CX3CL1: variants seen among roughly 807,000 people sequenced by gnomAD.
The protein encoded by CX3CL1 is fractalkine.
Under a neutral mutation model 14.1 loss-of-function variants are expected in CX3CL1, and 1 was observed. That is an observed-to-expected ratio of 0.07 (90% confidence interval 0.03 to 0.34). The LOEUF (loss-of-function observed/expected upper bound fraction) is 0.34. CX3CL1 is among the 10% of genes least tolerant of loss of function. The pLI is 0.99. For missense variants in CX3CL1, 505 were observed against 536.4 expected (o/e 0.94, Z 0.58); for synonymous variants, 255 against 229.6 (o/e 1.11, Z -1.00).
intron 1 of CX3CL1, chr16:57,378,782 C>T: frequency 6.6e-6 from 1 of 152,086 alleles, no homozygotes; most frequent in Non-Finnish European, 1.5e-5. Flanking sequence ...TTCTTGAGCC[C>T]AGGATTTTGA....
At chr16:57,380,691 A>T (rs2146513588) in intron 2 of CX3CL1, among the ~76,000 whole-genome samples, 1 of 152,264 alleles carries the variant, frequency 6.6e-6, no homozygotes, top group East Asian at 1.9e-4. Context: ...GGATTGAGCC[A>T]TTGTAACCCT....
intron 2 of CX3CL1, among the ~76,000 whole-genome samples, chr16:57,380,392 T>A (rs1902303003): frequency 1.3e-5 from 2 of 152,066 alleles, no homozygotes; most frequent in African/African-American, 4.8e-5. Flanking sequence ...ACCCCATCTC[T>A]ACTAAAAATA....
Position 57,380,793 on chromosome 16 carries a change from C to T in CX3CL1, c.191+1039C>T, listed in dbSNP as rs549173950. Among the ~76,000 whole-genome samples, 293 of 152,248 alleles carry T rather than the reference C, an allele frequency of 1.9e-3. 1 individual carries two copies. The highest frequency in any genetic ancestry group is 6.9e-3 in the African/African-American group (286 of 41,546). On this transcript the variant is annotated intron_variant, in intron 2 of 2. Coordinates refer to ENST00000006053, the MANE Select transcript of CX3CL1 (RefSeq NM_002996.6). ...ACCAGCCAGCCCTGAGGCCTTTCCCCAGGACTGACTTTTGGGACCTAAAGC... is the reference window on the plus strand; with the variant it reads ...ACCAGCCAGCCCTGAGGCCTTTCCCTAGGACTGACTTTTGGGACCTAAAGC...
intron 2 of CX3CL1, among the ~76,000 whole-genome samples, chr16:57,381,444 C>G (rs1181774252): frequency 1.2e-4 from 18 of 152,070 alleles, no homozygotes; most frequent in Admixed American, 1.2e-3. Flanking sequence ...GCCCGGAGCA[C>G]AGCCTGTAGC....
chr16:57,380,985 G>A (rs1902311929), intron 2 of CX3CL1, among the ~76,000 whole-genome samples: 1 of 152,156 alleles, frequency 6.6e-6, no homozygotes, highest in South Asian at 2.1e-4. Context: ...GATCAGTCAA[G>A]GCTTACTTCT....
chr16:57,374,376 AC>A (rs1220236533), intron 1 of CX3CL1, among the ~76,000 whole-genome samples: 8 of 151,978 alleles, frequency 5.3e-5, no homozygotes, highest in Non-Finnish European at 1.0e-4. Flanking sequence ...ACCTGCAGCT[AC>A]GAGTCAGTGC....
chr16:57,378,406 G>A (rs1597997210), intron 1 of CX3CL1: 1 of 151,722 alleles, frequency 6.6e-6, no homozygotes, highest in Non-Finnish European at 1.5e-5. Flanking sequence ...AGCCAGGCAT[G>A]GTAGCAGGCA....
In CX3CL1 at chr16:57,382,569, G is replaced by A. The variant is rs772459306; in HGVS notation, c.731G>A (p.Gly244Asp). ...PAPEENAPSE[G>D]QRVWGQGQSP... ...CCAGAGGAGAATGCTCCGTCTGAAG[G>A]CCAGCGTGTGTGGGGTCAGGGACAG... Residue 244 changes from glycine (G) to aspartate (D), a missense_variant, in exon 3 of 3, where the codon GGC becomes GAC. Coordinates refer to ENST00000006053, the MANE Select transcript of CX3CL1 (RefSeq NM_002996.6). The surrounding 1 kb of genome is among the most constrained non-coding windows in gnomAD (Gnocchi z 6.9). 4 of 1,613,904 alleles carry A rather than the reference G, an allele frequency of 2.5e-6. No homozygotes were observed. Among genetic ancestry groups the A allele is most frequent in the Non-Finnish European group, 3.4e-6 (4 of 1,179,938 alleles).
intron 1 of CX3CL1, among the ~76,000 whole-genome samples, chr16:57,375,769 G>A (rs189821502): frequency 1.7e-4 from 26 of 152,302 alleles, no homozygotes; most frequent in Admixed American, 1.3e-4. Flanking sequence ...AAGTCCTTGA[G>A]GTCCAGCCTA....
At chr16:57,379,323 A>C (rs1236569679) in intron 1 of CX3CL1, 2 of 369,856 alleles carry the variant, frequency 5.4e-6, no homozygotes, top group African/African-American at 4.2e-5. Flanking sequence ...CAAGACTCCA[A>C]CTCAAAAAAA....
At chr16:57,373,318 A>T (rs666301) in intron 1 of CX3CL1, among the ~76,000 whole-genome samples, 1,668 of 152,314 alleles carry the variant, frequency 0.011, 14 homozygotes, top group Middle Eastern at 0.017. Context: ...ATAATTAACC[A>T]TCCTACCTGA....
intron 1 of CX3CL1, among the ~76,000 whole-genome samples, chr16:57,373,274 T>C (rs533133070): frequency 2.0e-5 from 3 of 152,180 alleles, no homozygotes; most frequent in Non-Finnish European, 4.4e-5. Context: ...CTCTAGTCAC[T>C]TGCTTACTGA....
At chr16:57,372,878 G>T (rs1333404502) in intron 1 of CX3CL1, among the ~76,000 whole-genome samples, 1 of 152,222 alleles carries the variant, frequency 6.6e-6, no homozygotes, top group Admixed American at 6.5e-5. Flanking sequence ...AAGTGGCTGT[G>T]CCTGGAAGCA....
chr16:57,382,600 C>G lies in CX3CL1; in HGVS notation c.762C>G (p.Pro254=). The change falls in exon 3 of 3, where the codon CCC becomes CCG. Residue 254 remains proline (P), a synonymous_variant. Transcript: ENST00000006053. This position sits in a 1 kb window ranked among gnomAD's most constrained non-coding sequence, Gnocchi z 6.9. ...GQRVWGQGQS[P]RPENSLEREE... ...GTGTGTGGGGTCAGGGACAGAGCCC[C>G]AGGCCAGAGAACTCTCTGGAGCGGG... 6.2e-7 allele frequency: 1 copy of G among 1,613,996 alleles called. No individual in the cohort carries two copies.
chr16:57,381,191 G>A (rs1902315429), intron 2 of CX3CL1, among the ~76,000 whole-genome samples: 1 of 152,160 alleles, frequency 6.6e-6, no homozygotes. Context: ...ATGGGGATGA[G>A]CCTGGTAGCC....
In CX3CL1 at chr16:57,379,711, C is replaced by T. The variant is rs776932868; in HGVS notation, c.148C>T (p.His50Tyr). The T allele has an allele frequency of 3.1e-6, 5 of 1,614,092 alleles. No individual in the cohort carries two copies. Among genetic ancestry groups the T allele is most frequent in the Non-Finnish European group, 4.2e-6 (5 of 1,180,030 alleles). ...TSKIPVALLI[H>Y]YQQNQASCGK... ...AAAGATACCTGTAGCTTTGCTCATC[C>T]ACTATCAACAGAACCAGGCATCATG... The change falls in exon 2 of 3, where the codon CAC (histidine) becomes TAC (tyrosine). Residue 50 changes from histidine (H) to tyrosine (Y), a missense_variant. By Grantham distance (83) the His-to-Tyr change is moderately conservative (BLOSUM62 2). Transcript: ENST00000006053.
At chr16:57,381,264 G>C (rs1902316118) in intron 2 of CX3CL1, among the ~76,000 whole-genome samples, 1 of 152,138 alleles carries the variant, frequency 6.6e-6, no homozygotes, top group Non-Finnish European at 1.5e-5. Flanking sequence ...CCGTGGCATG[G>C]AGCCAGGGCC....
chr16:57,373,967 A>G (rs1902212308), intron 1 of CX3CL1, among the ~76,000 whole-genome samples: 1 of 152,076 alleles, frequency 6.6e-6, no homozygotes, highest in African/African-American at 2.4e-5. Context: ...GAAGGGTCCT[A>G]GGCTAGGATG....
intron 2 of CX3CL1, among the ~76,000 whole-genome samples, chr16:57,381,821 T>A (rs769701781): frequency 6.6e-6 from 1 of 152,086 alleles, no homozygotes; most frequent in Non-Finnish European, 1.5e-5. Flanking sequence ...TGGGAGGCTT[T>A]CCTATCTCCA....
Sources: gnomAD v4.1 joint callset for allele counts (sites outside exome capture counted in the v4.1 genomes callset) on GRCh38, gnomAD v4.1.1 for gene constraint, Gnocchi (gnomAD v3.1) non-coding constraint, MANE v1.5 for transcripts, NCBI Gene and HGNC (gene_info 2026-07-23, HGNC 2026-07-21) for gene names.